Variants in RHOBTB2 observed in about 807,000 individuals in gnomAD.
RHOBTB2 encodes rho-related BTB domain-containing protein 2.
Under a neutral mutation model 66.5 loss-of-function variants are expected in RHOBTB2, and 39 were observed. The observed-to-expected ratio is 0.59, with a 90% confidence interval of 0.45 to 0.77. RHOBTB2 has a LOEUF of 0.77. Among genes scored for constraint, RHOBTB2 ranks in the 30% least tolerant of loss-of-function variants. The pLI is 0.00. For missense variants in RHOBTB2, 755 were observed against 999.1 expected (o/e 0.76, Z 3.29); for synonymous variants, 390 against 395.0 (o/e 0.99, Z 0.15).
upstream of RHOBTB2, among the ~76,000 whole-genome samples, chr8:22,998,601 G>A (rs1344179962): frequency 6.6e-6 from 1 of 151,950 alleles, no homozygotes; most frequent in East Asian, 1.9e-4. Context: ...GGGAATAGTG[G>A]CGTGCACTTG....
the RHOBTB2 span, among the ~76,000 whole-genome samples, chr8:22,974,952 C>T: frequency 6.6e-6 from 1 of 152,170 alleles, no homozygotes; most frequent in Non-Finnish European, 1.5e-5. Context: ...GGGGTTATCT[C>T]CTGGATCAAT....
In RHOBTB2 at chr8:23,010,590, T is replaced by A. The variant is rs776543376; in HGVS notation, c.1673T>A (p.Leu558His). 6.2e-7 allele frequency: 1 copy of A among 1,614,120 alleles called. No individual in the cohort carries two copies. Among genetic ancestry groups the A allele is most frequent in the Non-Finnish European group, 8.5e-7 (1 of 1,180,030 alleles). Residue 558 changes from leucine to histidine, a missense_variant, in exon 7 of 10, where the codon CTC becomes CAC. Physicochemically the swap from Leu to His is moderately conservative, Grantham distance 99. This residue lies in a region of RHOBTB2 where 353 missense variants were observed against 458.2 expected (regional missense o/e 0.77). Transcript: ENST00000251822. The stretch of plus-strand genomic sequence containing the variant: ...TGCATGCGGGCCGTGCTGGAATACC[T>A]CTACACCGGCATGTTCACCTCCAGC... Reference protein sequence around the residue: ...KSCMRAVLEYLYTGMFTSSPD... With the variant: ...KSCMRAVLEYHYTGMFTSSPD...
the RHOBTB2 span, among the ~76,000 whole-genome samples, chr8:22,966,368 A>T: frequency 6.6e-6 from 1 of 152,114 alleles, no homozygotes; most frequent in Admixed American, 6.6e-5. Context: ...AAAAGAAAAG[A>T]AAAAAAGAAA....
At chr8:22,996,319 C>A (rs1205491513), upstream of RHOBTB2, among the ~76,000 whole-genome samples, 1 of 152,104 alleles carries the variant, frequency 6.6e-6, no homozygotes, top group Non-Finnish European at 1.5e-5. Context: ...TGCCTCCATG[C>A]TGCCAGGAAG....
Position 23,017,236 on chromosome 8 carries a change from C to T in RHOBTB2, c.1967-16C>T, listed in dbSNP as rs2128808634. 6.2e-7 allele frequency: 1 copy of T among 1,613,852 alleles called. No homozygotes were observed. The highest frequency in any genetic ancestry group is 1.7e-4 in the Middle Eastern group (1 of 6,060). ...TCTGCCTCCTTTCTAACCAAGCTGC[C>T]TGCTCTCTGCTCCAGAAAACCAGGA... On this transcript the variant is annotated splice_polypyrimidine_tract_variant and intron_variant, in intron 9 of 9. Transcript: ENST00000251822. This position sits in a 1 kb window ranked among gnomAD's most constrained non-coding sequence, Gnocchi z 5.3.
In RHOBTB2 at chr8:23,006,601, C is replaced by A; in HGVS notation, c.483-127C>A. 1.1e-6 allele frequency: 1 copy of A among 906,264 alleles called. No individual in the cohort carries two copies. The highest frequency in any genetic ancestry group is 1.7e-6 in the Non-Finnish European group (1 of 583,462). 56.1% of individuals were successfully genotyped at this position (906,264 alleles called of 1,614,324 possible). On this transcript the variant is annotated intron_variant, in intron 4 of 9. Coordinates refer to ENST00000251822, the MANE Select transcript of RHOBTB2 (RefSeq NM_015178.3). This position sits in a 1 kb window ranked among gnomAD's most constrained non-coding sequence, Gnocchi z 6.1. Reference sequence around the variant, plus strand: ...AGGAGCTTGATGGGATTTGGCCAGACAGAGCAGGGCAGGAGTGGGTGGGGA... The same window carrying A: ...AGGAGCTTGATGGGATTTGGCCAGAAAGAGCAGGGCAGGAGTGGGTGGGGA...
chr8:22,994,653 G>A, upstream of RHOBTB2: 3 of 1,547,270 alleles, frequency 1.9e-6, no homozygotes, highest in African/African-American at 1.4e-5. Flanking sequence ...AGTAGCTACT[G>A]TGTACTGTGC....
chr8:22,953,982 G>C, the RHOBTB2 span, among the ~76,000 whole-genome samples: 161 of 152,330 alleles, frequency 1.1e-3, no homozygotes, highest in Non-Finnish European at 2.0e-3. Context: ...TGTCATGTAG[G>C]AAGAGCTTAT....
chr8:23,007,790 T>C (rs1811018824), intron 5 of RHOBTB2, 44 bp downstream of exon 5: 1 of 1,596,058 alleles, frequency 6.3e-7, no homozygotes, highest in Non-Finnish European at 8.6e-7. Flanking sequence ...GCATTGGTGC[T>C]ATTAGCATTG....
intron 1 of RHOBTB2, among the ~76,000 whole-genome samples, chr8:23,003,379 A>G (rs762388444): frequency 2.0e-5 from 3 of 152,238 alleles, no homozygotes; most frequent in Non-Finnish European, 2.9e-5. Flanking sequence ...ATCGAAGGCA[A>G]CTGAGGCAAG....
chr8:22,999,949 C>G lies in RHOBTB2; in HGVS notation c.-167C>G. ...GCCGGAGTTTCTGAGTGGCCGCGAGCTGGCCGGGAGGCTGGAGCCCAGCAG... is the reference window on the plus strand; with the variant it reads ...GCCGGAGTTTCTGAGTGGCCGCGAGGTGGCCGGGAGGCTGGAGCCCAGCAG... On this transcript the variant is annotated 5_prime_UTR_variant, in exon 1 of 10. Coordinates refer to ENST00000251822, the MANE Select transcript of RHOBTB2 (RefSeq NM_015178.3). 14 of 985,458 alleles carry G rather than the reference C, an allele frequency of 1.4e-5. No homozygotes were observed. Among genetic ancestry groups the G allele is most frequent in the Non-Finnish European group, 1.7e-5 (14 of 829,946 alleles). The allele number at this position is 985,458 out of a possible 1,614,324, so 61.0% of individuals were successfully genotyped here. A position where few individuals can be genotyped will look rare whatever the true frequency, so the allele number is the denominator to read the frequency against.
At position 23,017,626 on chromosome 8, in the gene RHOBTB2, C is replaced by G. The variant is rs1207664290; in HGVS notation, c.*157C>G. 1 of 1,231,700 alleles carries G rather than the reference C, an allele frequency of 8.1e-7. No individual in the cohort carries two copies. The highest frequency in any genetic ancestry group is 1.1e-6 in the Non-Finnish European group (1 of 901,896). The allele number at this position is 1,231,700 out of a possible 1,614,324, so 76.3% of individuals were successfully genotyped here. A position where few individuals can be genotyped will look rare whatever the true frequency, so the allele number is the denominator to read the frequency against. On this transcript the variant is annotated 3_prime_UTR_variant, in exon 10 of 10. Transcript: ENST00000251822. The surrounding 1 kb of genome is among the most constrained non-coding windows in gnomAD (Gnocchi z 5.3). ...CTTCTTACCAGCCACCGTGGCTCAG[C>G]CAGAGAGGAGCTGAGCCCTGTGGAG...
At chr8:22,951,710 C>A in the RHOBTB2 span, among the ~76,000 whole-genome samples, 15 of 152,274 alleles carry the variant, frequency 9.9e-5, no homozygotes, top group South Asian at 3.1e-3. Flanking sequence ...AGAAACAAAT[C>A]ACAATGGTGG....
At chr8:22,968,329 G>A in the RHOBTB2 span, among the ~76,000 whole-genome samples, 2 of 151,836 alleles carry the variant, frequency 1.3e-5, no homozygotes, top group Admixed American at 1.3e-4. Context: ...TGGAGAAAGT[G>A]ATTAAATTTA....
the RHOBTB2 span, among the ~76,000 whole-genome samples, chr8:22,968,607 T>C: frequency 6.6e-6 from 1 of 152,208 alleles, no homozygotes; most frequent in Admixed American, 6.5e-5. Context: ...ATATTATGCC[T>C]TATTAATAGT....
At chr8:22,996,681 A>G (rs1480965507), upstream of RHOBTB2, among the ~76,000 whole-genome samples, 2 of 151,402 alleles carry the variant, frequency 1.3e-5, no homozygotes, top group African/African-American at 2.4e-5. Flanking sequence ...AGGAAAATGG[A>G]CTCCTCAGGG....
upstream of RHOBTB2, chr8:22,995,957 T>C: frequency 7.1e-7 from 1 of 1,410,300 alleles, no homozygotes; most frequent in South Asian, 1.2e-5. Context: ...GAGGATGGAC[T>C]GAGCCAGGCG....
the RHOBTB2 span, among the ~76,000 whole-genome samples, chr8:22,974,666 A>T: frequency 6.6e-6 from 1 of 152,166 alleles, no homozygotes; most frequent in South Asian, 2.1e-4. Flanking sequence ...TATGAAGTGC[A>T]GTTTGTAGAG....
intron 1 of RHOBTB2, among the ~76,000 whole-genome samples, chr8:22,989,672 T>A (rs1341563279): frequency 6.6e-6 from 1 of 152,148 alleles, no homozygotes; most frequent in African/African-American, 2.4e-5. Flanking sequence ...AGGCCAGAGG[T>A]AAAAGCTGGC....
Sources: gnomAD v4.1 joint callset for allele counts (sites outside exome capture counted in the v4.1 genomes callset) on GRCh38, gnomAD v4.1.1 for gene constraint, gnomAD v4.1.1 regional missense constraint, Gnocchi (gnomAD v3.1) non-coding constraint, MANE v1.5 for transcripts, NCBI Gene and HGNC (gene_info 2026-07-23, HGNC 2026-07-21) for gene names.